Variants in PDE3A observed in about 807,000 individuals in gnomAD.
PDE3A encodes the protein phosphodiesterase 3A.
PDE3A carries 43 observed loss-of-function variants against 98.3 expected under a neutral mutation model. That is an observed-to-expected ratio of 0.44 (90% CI 0.34 to 0.56). The LOEUF (loss-of-function observed/expected upper bound fraction) is 0.56, where lower values mean the gene tolerates loss of function less well. Ranked by LOEUF, PDE3A falls within the 20% of genes least tolerant of loss-of-function variation. The pLI is 0.01. For synonymous variants in PDE3A, 663 were observed against 567.9 expected, an observed-to-expected ratio of 1.17 and a Z score of -2.38; for missense variants, 1,427 against 1,440.7, an observed-to-expected ratio of 0.99 and a Z score of 0.15.
intron 15 of PDE3A, among the ~76,000 whole-genome samples, chr12:20,673,519 C>T (rs973625908): frequency 1.4e-5 from 2 of 145,300 alleles, no homozygotes; most frequent in Non-Finnish European, 3.0e-5. Flanking sequence ...ACTATGCAGC[C>T]ATAAAAAATG....
At chr12:20,658,121 T>C (rs777161680) in intron 15 of PDE3A, among the ~76,000 whole-genome samples, 1 of 152,264 alleles carries the variant, frequency 6.6e-6, no homozygotes, top group Non-Finnish European at 1.5e-5. Context: ...ATTTTTAATT[T>C]GCTTTAAAAA....
intron 5 of PDE3A, among the ~76,000 whole-genome samples, chr12:20,627,801 A>G (rs1055292503): frequency 1.3e-5 from 2 of 152,192 alleles, no homozygotes; most frequent in Non-Finnish European, 2.9e-5. Context: ...AAGACTCACA[A>G]TAACTACTTG....
chr12:20,541,690 A>G (rs1010560124), intron 1 of PDE3A, among the ~76,000 whole-genome samples: 3 of 151,982 alleles, frequency 2.0e-5, no homozygotes, highest in Non-Finnish European at 4.4e-5. Flanking sequence ...TCTGCATAAT[A>G]TATCACTAAG....
chr12:20,543,132 C>T (rs949323149), intron 1 of PDE3A, among the ~76,000 whole-genome samples: 1 of 151,774 alleles, frequency 6.6e-6, no homozygotes, highest in Non-Finnish European at 1.5e-5. Flanking sequence ...AGTCATAATG[C>T]CTTGTTTAAA....
At chr12:20,616,475 ATTAC>A in intron 4 of PDE3A, 91 bp downstream of exon 4, 14 of 1,271,490 alleles carry the variant, frequency 1.1e-5, no homozygotes, top group Non-Finnish European at 1.5e-5. Flanking sequence ...AGGCTAACCA[ATTAC>A]ATTTGGTTGG....
At position 20,513,853 on chromosome 12, in the gene PDE3A, A is replaced by G. The variant is rs372648506; in HGVS notation, c.961-42807A>G. 2.5e-4 allele frequency among the ~76,000 whole-genome samples: 38 copies of G among 152,324 alleles called. No individual in the cohort carries two copies. In the East Asian group the frequency reaches 5.6e-3, roughly 22 times the overall value. ...TTAAATGATGCCATTAAATGAGATT[A>G]AAATATTTCTGAATTTAATACTGCC... On this transcript the variant is annotated intron_variant, in intron 1 of 15. Transcript: ENST00000359062.
intron 1 of PDE3A, among the ~76,000 whole-genome samples, chr12:20,539,874 C>G (rs976763270): frequency 6.8e-6 from 1 of 147,802 alleles, no homozygotes; most frequent in African/African-American, 2.5e-5. Context: ...CTGGGCTTCA[C>G]AAAAATTACG....
At chr12:20,614,448 G>A (rs1196488299) in intron 3 of PDE3A, among the ~76,000 whole-genome samples, 1 of 152,148 alleles carries the variant, frequency 6.6e-6, no homozygotes, top group Admixed American at 6.5e-5. Flanking sequence ...CTATCCCTTT[G>A]AGCTGGTGGT....
chr12:20,541,771 A>G (rs983858739), intron 1 of PDE3A, among the ~76,000 whole-genome samples: 4 of 152,136 alleles, frequency 2.6e-5, no homozygotes, highest in Non-Finnish European at 4.4e-5. Context: ...AACCTCTGAA[A>G]TTACTTTCAA....
At chr12:20,535,192 A>G (rs1264272208) in intron 1 of PDE3A, among the ~76,000 whole-genome samples, 1 of 152,170 alleles carries the variant, frequency 6.6e-6, no homozygotes, top group East Asian at 1.9e-4. Flanking sequence ...TTCACGTATA[A>G]GGTTCCATCT....
In PDE3A at chr12:20,665,959, CTTTTT is replaced by C. The variant is rs35859257; in HGVS notation, c.3184+11772_3184+11776del. Among the ~76,000 whole-genome samples, 13 of 94,978 alleles carry C rather than the reference CTTTTT, an allele frequency of 1.4e-4. No homozygotes were observed. The East Asian group carries it at 1.9e-3, about 14-fold the overall frequency. The allele number at this position is 94,978 out of a possible 152,430, so 62.3% of individuals were successfully genotyped here. The stretch of plus-strand genomic sequence containing the variant: ...CTGTCACCTCGAGTATTTGTCATTT[CTTTTT>C]TTTTTTTTTTTTTTTTTGAGACCGA... On this transcript the variant is annotated intron_variant, in intron 15 of 15. Transcript: ENST00000359062.
chr12:20,589,599 T>G (rs1338667251), intron 2 of PDE3A, among the ~76,000 whole-genome samples: 1 of 152,038 alleles, frequency 6.6e-6, no homozygotes, highest in Non-Finnish European at 1.5e-5. Flanking sequence ...CCGGGCGCTG[T>G]GGCTCACACC....
chr12:20,602,392 T>A (rs1164522207), intron 2 of PDE3A, among the ~76,000 whole-genome samples: 1 of 152,240 alleles, frequency 6.6e-6, no homozygotes, highest in African/African-American at 2.4e-5. Context: ...AACTTTGAGT[T>A]GTTACGTGAG....
intron 1 of PDE3A, among the ~76,000 whole-genome samples, chr12:20,445,874 T>C (rs1303557495): frequency 6.6e-6 from 1 of 152,090 alleles, no homozygotes; most frequent in African/African-American, 2.4e-5. Flanking sequence ...ATCTCCTTTC[T>C]AGGTCACAAA....
intron 1 of PDE3A, among the ~76,000 whole-genome samples, chr12:20,435,502 T>C (rs1360259169): frequency 6.6e-6 from 1 of 152,122 alleles, no homozygotes; most frequent in African/African-American, 2.4e-5. Flanking sequence ...AGTGTAACAA[T>C]GTCAAAGAAA....
chr12:20,539,948 T>C (rs1941851402), intron 1 of PDE3A, among the ~76,000 whole-genome samples: 1 of 152,086 alleles, frequency 6.6e-6, no homozygotes, highest in Admixed American at 6.6e-5. Context: ...AATTATAAAA[T>C]ATCCAGATTC....
chr12:20,407,799 C>G lies in PDE3A; in HGVS notation c.960+37555C>G, dbSNP rs143778227. Among the ~76,000 whole-genome samples, 32 of 152,042 alleles carry G rather than the reference C, an allele frequency of 2.1e-4. No homozygotes were observed. The East Asian group carries it at 5.4e-3, about 26-fold the overall frequency. On this transcript the variant is annotated intron_variant, in intron 1 of 15. Coordinates refer to ENST00000359062, the MANE Select transcript of PDE3A (RefSeq NM_000921.5). ...AGTATAGATATAGCATATTACATAT[C>G]TATATTGACTACATGAAGAAAAGCA...
chr12:20,486,291 A>G (rs1945726156), intron 1 of PDE3A, among the ~76,000 whole-genome samples: 2 of 152,164 alleles, frequency 1.3e-5, no homozygotes, highest in Admixed American at 6.5e-5. Flanking sequence ...GCAAGGTGGC[A>G]GGAAGGAGAA....
At chr12:20,640,008 C>A in intron 10 of PDE3A, 51 bp downstream of exon 10, 1 of 868,938 alleles carries the variant, frequency 1.2e-6, no homozygotes, top group Non-Finnish European at 1.9e-6. Flanking sequence ...GTCGAATTTG[C>A]TGTGGGTAAA....
Sources: allele counts gnomAD v4.1 joint callset (sites outside exome capture counted in the v4.1 genomes callset), GRCh38; gene constraint gnomAD v4.1.1; transcripts MANE v1.5; gene names NCBI Gene and HGNC (gene_info 2026-07-23, HGNC 2026-07-21).